CTNND2: variants seen among roughly 807,000 people sequenced by gnomAD.
The protein encoded by CTNND2 is catenin delta 2, also known as catenin delta-2.
A neutral mutation model predicts 144.4 loss-of-function variants in CTNND2; 22 were observed. That is an observed-to-expected ratio of 0.15 (90% CI 0.11 to 0.22). The LOEUF is 0.22. CTNND2 is among the 10% of genes least tolerant of loss of function. CTNND2 has a pLI of 1.00. For synonymous variants in CTNND2, 751 were observed against 695.6 expected, an observed-to-expected ratio of 1.08 and a Z score of -1.25; for missense variants, 1,353 against 1,618.8, an observed-to-expected ratio of 0.84 and a Z score of 2.82.
chr5:11,146,578 A>C (rs1335121022), intron 12 of CTNND2, among the ~76,000 whole-genome samples: 2 of 152,218 alleles, frequency 1.3e-5, no homozygotes, highest in Non-Finnish European at 2.9e-5. Flanking sequence ...GAGGTATTAA[A>C]GAGTTATCTT....
intron 1 of CTNND2, among the ~76,000 whole-genome samples, chr5:11,759,412 G>T (rs201029376): frequency 1.3e-5 from 2 of 152,000 alleles, no homozygotes; most frequent in Non-Finnish European, 2.9e-5. Flanking sequence ...TAAGGAAAAT[G>T]ATACATAAAT....
chr5:11,066,722 A>C (rs1283324205), intron 16 of CTNND2, among the ~76,000 whole-genome samples: 1 of 152,142 alleles, frequency 6.6e-6, no homozygotes, highest in Non-Finnish European at 1.5e-5. Flanking sequence ...CACCTCCAAG[A>C]CCAACAGCGA....
At chr5:11,482,972 C>A (rs1768430676) in intron 3 of CTNND2, among the ~76,000 whole-genome samples, 1 of 151,892 alleles carries the variant, frequency 6.6e-6, no homozygotes, top group East Asian at 1.9e-4. Flanking sequence ...CTGAGAGGAA[C>A]TGGGCTTTTC....
At chr5:11,266,486 T>G (rs1311006387) in intron 9 of CTNND2, among the ~76,000 whole-genome samples, 2 of 152,194 alleles carry the variant, frequency 1.3e-5, no homozygotes, top group Non-Finnish European at 2.9e-5. Flanking sequence ...TAGTCACCAG[T>G]GGCCATTTTA....
At position 10,988,500 on chromosome 5, in the gene CTNND2, G is replaced by A. The variant is rs899412271; in HGVS notation, c.3212-258C>T. On this transcript the variant is annotated intron_variant, in intron 19 of 21. Coordinates refer to ENST00000304623, the MANE Select transcript of CTNND2 (RefSeq NM_001332.4). This position sits in a 1 kb window ranked among gnomAD's most constrained non-coding sequence, Gnocchi z 5.9. ...CTGGCAACTGGGGACCACATCCTGG[G>A]GCCATCTTCCTCAGAGAGAGATCAT... 2.0e-5 allele frequency among the ~76,000 whole-genome samples: 3 copies of A among 152,132 alleles called. No individual in the cohort carries two copies. Among genetic ancestry groups the A allele is most frequent in the Admixed American group, 6.5e-5 (1 of 15,270 alleles).
intron 1 of CTNND2, among the ~76,000 whole-genome samples, chr5:11,774,970 C>T (rs1352903725): frequency 2.0e-5 from 3 of 152,136 alleles, no homozygotes; most frequent in Non-Finnish European, 4.4e-5. Context: ...CAATCCCATC[C>T]TAGTTGTCCT....
At chr5:11,558,970 C>A (rs1238668302) in intron 3 of CTNND2, among the ~76,000 whole-genome samples, 2 of 152,028 alleles carry the variant, frequency 1.3e-5, no homozygotes, top group Admixed American at 1.3e-4. Flanking sequence ...TTCTGGCTAC[C>A]AAATGTATAT....
chr5:11,092,379 A>G (rs1450449202), intron 15 of CTNND2, among the ~76,000 whole-genome samples: 1 of 152,244 alleles, frequency 6.6e-6, no homozygotes, highest in East Asian at 1.9e-4. Flanking sequence ...TGACAGTACT[A>G]AAATTAATGC....
At chr5:11,182,118 T>G (rs1291790852) in intron 11 of CTNND2, among the ~76,000 whole-genome samples, 5 of 117,458 alleles carry the variant, frequency 4.3e-5, no homozygotes, top group African/African-American at 1.5e-4. Context: ...GTGTGTGTGG[T>G]GTGTGTGTGG....
intron 7 of CTNND2, among the ~76,000 whole-genome samples, chr5:11,382,059 C>G (rs759757391): frequency 2.1e-4 from 32 of 152,088 alleles, no homozygotes; most frequent in Non-Finnish European, 4.4e-5. Context: ...CAACTGTACC[C>G]CAAACCTCAG....
intron 14 of CTNND2, among the ~76,000 whole-genome samples, chr5:11,109,212 TAG>T (rs1752705504): frequency 6.6e-6 from 1 of 152,236 alleles, no homozygotes; most frequent in Admixed American, 6.5e-5. Flanking sequence ...AAGTGATGCA[TAG>T]AGTGTCAAAC....
At position 11,327,441 on chromosome 5, in the gene CTNND2, A is replaced by G. The variant is rs543253264; in HGVS notation, c.1628+18931T>C. Among the ~76,000 whole-genome samples, 4 of 152,340 alleles carry G rather than the reference A, an allele frequency of 2.6e-5. No homozygotes were observed. In the East Asian group the frequency reaches 7.7e-4, roughly 29 times the overall value. ...GGAATAGTTCCTGTGAGAAAAATCT[A>G]AAAGGTAAATTGTCTTCACAAACTC... On this transcript the variant is annotated intron_variant, in intron 9 of 21. Transcript: ENST00000304623.
At chr5:11,022,728 A>G (rs1742398038) in intron 17 of CTNND2, 41 bp downstream of exon 17, 5 of 1,552,394 alleles carry the variant, frequency 3.2e-6, no homozygotes, top group Non-Finnish European at 4.4e-6. Context: ...TTCAGAACCA[A>G]TTTTACCAGG....
At chr5:11,883,210 C>G (rs1209092545) in intron 1 of CTNND2, among the ~76,000 whole-genome samples, 1 of 152,052 alleles carries the variant, frequency 6.6e-6, no homozygotes, top group Non-Finnish European at 1.5e-5. Flanking sequence ...ACTTCAAGTT[C>G]TGGGATACAT....
intron 1 of CTNND2, among the ~76,000 whole-genome samples, chr5:11,776,282 C>G (rs965911141): frequency 1.3e-5 from 2 of 152,116 alleles, no homozygotes; most frequent in African/African-American, 4.8e-5. Context: ...AGACCTTCCC[C>G]TCATCAGCCA....
chr5:11,666,329 A>G (rs914564767), intron 2 of CTNND2, among the ~76,000 whole-genome samples: 1 of 152,204 alleles, frequency 6.6e-6, no homozygotes, highest in African/African-American at 2.4e-5. Flanking sequence ...ACTTATATCA[A>G]CCCAGAGGGG....
chr5:11,245,041 T>G (rs997803338), intron 9 of CTNND2, among the ~76,000 whole-genome samples: 1 of 152,190 alleles, frequency 6.6e-6, no homozygotes, highest in East Asian at 1.9e-4. Context: ...AATTCAAATG[T>G]TATAAACACA....
intron 3 of CTNND2, among the ~76,000 whole-genome samples, chr5:11,479,342 T>C (rs1768031908): frequency 6.6e-6 from 1 of 152,234 alleles, no homozygotes; most frequent in African/African-American, 2.4e-5. Flanking sequence ...TTCTTTTTTA[T>C]GGCTGTGTAC....
intron 1 of CTNND2, among the ~76,000 whole-genome samples, chr5:11,739,641 C>G (rs1787884961): frequency 6.6e-6 from 1 of 152,162 alleles, no homozygotes; most frequent in Non-Finnish European, 1.5e-5. Context: ...CAGTACAAGA[C>G]AAGGATGCCC....
Sources: gnomAD v4.1 joint callset for allele counts (sites outside exome capture counted in the v4.1 genomes callset) on GRCh38, gnomAD v4.1.1 for gene constraint, Gnocchi (gnomAD v3.1) non-coding constraint, MANE v1.5 for transcripts, NCBI Gene and HGNC (gene_info 2026-07-23, HGNC 2026-07-21) for gene names.